Variants in CAPS2 observed in about 807,000 individuals in gnomAD.
CAPS2 encodes the protein calcyphosin-2.
In CAPS2, 98 loss-of-function variants were observed where a neutral mutation model predicts 86.5. That is an observed-to-expected ratio of 1.13 (90% CI 0.96 to 1.34). The LOEUF (loss-of-function observed/expected upper bound fraction) is 1.34. Among genes scored for constraint, CAPS2 ranks in the 40% most tolerant of loss-of-function variants. The pLI, the probability that CAPS2 is intolerant of heterozygous loss-of-function variation, is 0.00. For synonymous variants in CAPS2, 210 were observed against 225.1 expected, an observed-to-expected ratio of 0.93 and a Z score of 0.60; for missense variants, 729 against 686.8, an observed-to-expected ratio of 1.06 and a Z score of -0.69.
chr12:75,362,672 T>G (rs577295751), intron 1 of CAPS2, among the ~76,000 whole-genome samples: 2 of 152,302 alleles, frequency 1.3e-5, no homozygotes, highest in East Asian at 3.9e-4. Flanking sequence ...TCAGGCATAA[T>G]AGCTGTCAAG....
chr12:75,299,379 T>C (rs1398600448), intron 9 of CAPS2, among the ~76,000 whole-genome samples: 9 of 152,138 alleles, frequency 5.9e-5, no homozygotes, highest in African/African-American at 1.4e-4. Context: ...TTATCAGTAA[T>C]ATACAAAGAA....
chr12:75,289,194 TTCC>T (rs1332822831), intron 14 of CAPS2, among the ~76,000 whole-genome samples: 1 of 152,196 alleles, frequency 6.6e-6, no homozygotes, highest in Non-Finnish European at 1.5e-5. Context: ...GTCTGGTTAA[TTCC>T]TCCTCAACCT....
At chr12:75,298,485 G>A (rs2037271457) in intron 11 of CAPS2, 1 of 518,286 alleles carries the variant, frequency 1.9e-6, no homozygotes, top group Admixed American at 3.2e-5. Context: ...TAAATGATAT[G>A]CTTGGATTCA....
chr12:75,301,951 A>G (rs2037871801), intron 8 of CAPS2, among the ~76,000 whole-genome samples: 2 of 152,232 alleles, frequency 1.3e-5, no homozygotes, highest in African/African-American at 2.4e-5. Flanking sequence ...TGATAAAGCT[A>G]CTAGAAACCA....
chr12:75,321,296 C>T (rs892343099), intron 5 of CAPS2, 104 bp downstream of exon 5: 2 of 706,592 alleles, frequency 2.8e-6, no homozygotes, highest in Non-Finnish European at 4.6e-6. Flanking sequence ...AGCTATTATA[C>T]TTATTATGAC....
intron 7 of CAPS2, chr12:75,306,142 A>T (rs1225774048): frequency 9.2e-7 from 1 of 1,088,892 alleles, no homozygotes; most frequent in East Asian, 2.4e-5. Context: ...GAAGCTCATC[A>T]CCGAGGAGTT....
Position 75,323,513 on chromosome 12 carries a change from G to A in CAPS2, c.132-291C>T, listed in dbSNP as rs564925382. Reference sequence around the variant, plus strand: ...AATCCCAGCACTTTGGGAGGCCGAGGCAGGCAGATCACCTGAGGTCGGGAG... The same window carrying A: ...AATCCCAGCACTTTGGGAGGCCGAGACAGGCAGATCACCTGAGGTCGGGAG... On this transcript the variant is annotated intron_variant, in intron 2 of 16. Transcript: ENST00000393284. 1.9e-3 allele frequency among the ~76,000 whole-genome samples: 282 copies of A among 152,298 alleles called. 2 individuals carry two copies. Among genetic ancestry groups the A allele is most frequent in the Middle Eastern group, 0.01 (3 of 294 alleles).
At chr12:75,347,125 C>T (rs1347706568) in intron 1 of CAPS2, among the ~76,000 whole-genome samples, 1 of 151,572 alleles carries the variant, frequency 6.6e-6, no homozygotes, top group Non-Finnish European at 1.5e-5. Context: ...TGAAAATCAA[C>T]TCAATATGTT....
intron 1 of CAPS2, chr12:75,347,630 G>T: frequency 1.2e-6 from 2 of 1,603,794 alleles, no homozygotes; most frequent in South Asian, 1.1e-5. Context: ...AGTTAGTTTG[G>T]GCCAATTCAT....
intron 7 of CAPS2, among the ~76,000 whole-genome samples, chr12:75,312,562 T>A (rs1024586507): frequency 6.6e-6 from 1 of 152,062 alleles, no homozygotes; most frequent in African/African-American, 2.4e-5. Context: ...TTCTTTCAAT[T>A]TATGTGTATT....
chr12:75,284,844 C>A, intron 15 of CAPS2, 117 bp downstream of exon 15: 2 of 941,054 alleles, frequency 2.1e-6, no homozygotes, highest in East Asian at 5.9e-5. Context: ...TTTACTAAAC[C>A]CAACATATAA....
intron 1 of CAPS2, among the ~76,000 whole-genome samples, chr12:75,338,540 TTAA>T (rs2041885546): frequency 6.6e-6 from 1 of 152,204 alleles, no homozygotes; most frequent in Admixed American, 6.5e-5. Flanking sequence ...GTAGGTTTTT[TTAA>T]TAATAGTTTT....
chr12:75,291,421 G>GT (rs2035827984), intron 13 of CAPS2, among the ~76,000 whole-genome samples: 1 of 133,264 alleles, frequency 7.5e-6, no homozygotes, highest in South Asian at 2.4e-4. Flanking sequence ...TATAATACTA[G>GT]TTAGGACCAT....
At chr12:75,363,082 A>G (rs1229107702) in intron 1 of CAPS2, 1 of 1,358,576 alleles carries the variant, frequency 7.4e-7, no homozygotes, top group Non-Finnish European at 1.0e-6. Context: ...TTGGCTAATC[A>G]ATGTTTCTCT....
chr12:75,319,695 G>A (rs947905619), intron 5 of CAPS2, among the ~76,000 whole-genome samples: 2 of 152,120 alleles, frequency 1.3e-5, no homozygotes, highest in African/African-American at 2.4e-5. Flanking sequence ...TGATTAGTTA[G>A]CAATGATAGC....
intron 12 of CAPS2, 84 bp from the exon 13 acceptor site, chr12:75,291,904 G>T: frequency 2.0e-6 from 1 of 491,966 alleles, no homozygotes; most frequent in Non-Finnish European, 3.4e-6. Flanking sequence ...GCTCTTCCCT[G>T]CTCCAGACTC....
At position 75,280,177 on chromosome 12, in the gene CAPS2, G is replaced by C. The variant is rs74110641; in HGVS notation, c.1613-1112C>G. ...TACTTTTATCTAATATATTACTTAA[G>C]CAAATTTAAGAAGGAATATTTTCTA... On this transcript the variant is annotated intron_variant, in intron 16 of 16. Coordinates refer to ENST00000393284, the Ensembl canonical transcript of CAPS2. 8.4e-3 allele frequency among the ~76,000 whole-genome samples: 1,268 copies of C among 151,694 alleles called. 20 individuals are homozygous for C. The highest frequency in any genetic ancestry group is 0.029 in the African/African-American group (1,193 of 41,448).
downstream of CAPS2, chr12:75,276,694 A>G (rs2032994299): frequency 1.2e-6 from 1 of 811,822 alleles, no homozygotes; most frequent in Non-Finnish European, 1.5e-6. Context: ...AAAATATAAA[A>G]ACAGAAAAAT....
intron 1 of CAPS2, among the ~76,000 whole-genome samples, chr12:75,341,948 C>T (rs1316628947): frequency 6.6e-6 from 1 of 151,930 alleles, no homozygotes; most frequent in African/African-American, 2.4e-5. Flanking sequence ...GGGTTTCACC[C>T]TGTTGGCCAG....
Sources: gnomAD v4.1 joint callset for allele counts (sites outside exome capture counted in the v4.1 genomes callset) on GRCh38, gnomAD v4.1.1 for gene constraint, MANE v1.5 for transcripts, NCBI Gene and HGNC (gene_info 2026-07-23, HGNC 2026-07-21) for gene names.